Variants in COLEC11 observed in about 807,000 individuals in gnomAD.
COLEC11 encodes the protein collectin subfamily member 11, also known as collectin-11.
Under a neutral mutation model 27.3 loss-of-function variants are expected in COLEC11, and 20 were observed. The ratio of observed to expected loss-of-function variants is 0.73; its 90% CI spans 0.51 to 1.06. The LOEUF (loss-of-function observed/expected upper bound fraction) is 1.06, where lower values mean the gene tolerates loss of function less well. Among genes scored for constraint, COLEC11 ranks in the 50% least tolerant of loss-of-function variants. The probability of loss-of-function intolerance (pLI) is 0.00; values close to 1 mark genes in which losing one functional copy is unlikely to be tolerated. For missense variants in COLEC11, 310 were observed against 383.0 expected, an observed-to-expected ratio of 0.81 and a Z score of 1.59; for synonymous variants, 163 against 154.7, an observed-to-expected ratio of 1.05 and a Z score of -0.40.
chr2:3,609,352 ATTTTTTTTTTT>A (rs567474674), intron 2 of COLEC11, among the ~76,000 whole-genome samples: 1 of 87,510 alleles, frequency 1.1e-5, no homozygotes, highest in African/African-American at 5.9e-5. Flanking sequence ...TTTTTCTTTG[ATTTTTTTTTTT>A]TTTTTTTTTT....
At chr2:3,624,379 G>T (rs1446699762) in intron 3 of COLEC11, among the ~76,000 whole-genome samples, 3 of 152,172 alleles carry the variant, frequency 2.0e-5, no homozygotes, top group Non-Finnish European at 2.9e-5. Context: ...AATAAAATCT[G>T]CAGAGCAATT....
intron 3 of COLEC11, among the ~76,000 whole-genome samples, chr2:3,633,176 A>G (rs1665138743): frequency 6.6e-6 from 1 of 152,170 alleles, no homozygotes; most frequent in Admixed American, 6.5e-5. Flanking sequence ...CCAGGCCCCC[A>G]GGCTGACAAG....
chr2:3,608,589 G>C (rs72769303), intron 2 of COLEC11, among the ~76,000 whole-genome samples: 1 of 152,192 alleles, frequency 6.6e-6, no homozygotes, highest in South Asian at 2.1e-4. Context: ...TTGGGAAGCC[G>C]AGGTGGGAGG....
rs78464962 is a variant in COLEC11, at chr2:3,633,836, G to A, written c.203-3697G>A. Among the ~76,000 whole-genome samples the A allele has an allele frequency of 4.2e-3, 645 of 152,138 alleles. 3 individuals carry two copies. The highest frequency in any genetic ancestry group is 0.02 in the Middle Eastern group (6 of 294). On this transcript the variant is annotated intron_variant, in intron 3 of 6. Transcript: ENST00000349077. ...ATGGTCAGCACAGAACCTCAGGACCGGTGCGGTGGAGAGCTGGGTACAGGA... is the reference window on the plus strand; with the variant it reads ...ATGGTCAGCACAGAACCTCAGGACCAGTGCGGTGGAGAGCTGGGTACAGGA...
At position 3,613,367 on chromosome 2, in the gene COLEC11, C is replaced by T; in HGVS notation, c.187C>T (p.Pro63Ser). Residue 63 changes from proline to serine, a missense_variant, in exon 3 of 7, where the codon CCC (proline) becomes TCC (serine). Physicochemically the swap from Pro to Ser is moderately conservative, Grantham distance 74. Coordinates refer to ENST00000349077, the MANE Select transcript of COLEC11 (RefSeq NM_024027.5). Reference sequence around the variant, plus strand: ...CCCCGGACGGCCTGGAAGAGTCGGCCCCACGGGAGAAAAAGGTACCTGCAG... The same window carrying T: ...CCCCGGACGGCCTGGAAGAGTCGGCTCCACGGGAGAAAAAGGTACCTGCAG... ...GAPGRPGRVG[P>S]TGEKGDMGDK... 1 of 1,602,678 alleles carries T rather than the reference C, an allele frequency of 6.2e-7. No individual in the cohort carries two copies. Among genetic ancestry groups the T allele is most frequent in the Non-Finnish European group, 8.5e-7 (1 of 1,174,730 alleles).
Position 3,613,980 on chromosome 2 carries a change from C to CTT in COLEC11, c.202+611_202+612dup, listed in dbSNP as rs57071680. Among the ~76,000 whole-genome samples the CTT allele has an allele frequency of 5.9e-3, 773 of 131,042 alleles. 8 individuals carry two copies. Among genetic ancestry groups the CTT allele is most frequent in the Non-Finnish European group, 7.1e-3 (445 of 62,406 alleles). The allele number at this position is 131,042 out of a possible 152,430, so 86.0% of individuals were successfully genotyped here. A position where few individuals can be genotyped will look rare whatever the true frequency, so the allele number is the denominator to read the frequency against. ...GTTTTTTCTTTTTCTTTCTTTCTTT[C>CTT]TTTTTTTTTTTTTTGAGACTGAGTC... On this transcript the variant is annotated intron_variant, in intron 3 of 6. Coordinates refer to ENST00000349077, the MANE Select transcript of COLEC11 (RefSeq NM_024027.5).
At chr2:3,612,291 G>A (rs564767781) in intron 2 of COLEC11, among the ~76,000 whole-genome samples, 87 of 152,220 alleles carry the variant, frequency 5.7e-4, no homozygotes, top group Non-Finnish European at 9.1e-4. Context: ...CACACTCCCT[G>A]TCTGCAACCA....
intron 3 of COLEC11, among the ~76,000 whole-genome samples, chr2:3,635,372 T>C (rs1665327331): frequency 6.6e-6 from 1 of 152,006 alleles, no homozygotes; most frequent in South Asian, 2.1e-4. Flanking sequence ...CTGCCCTTGG[T>C]CTCCTTTTGC....
At chr2:3,611,522 A>G (rs1047631739) in intron 2 of COLEC11, among the ~76,000 whole-genome samples, 1 of 152,120 alleles carries the variant, frequency 6.6e-6, no homozygotes, top group Non-Finnish European at 1.5e-5. Context: ...TGCTGAGTTT[A>G]TCTTGTTAGT....
chr2:3,617,668 G>A (rs771185817), intron 3 of COLEC11: 102 of 1,611,726 alleles, frequency 6.3e-5, no homozygotes, highest in Middle Eastern at 2.2e-4. Flanking sequence ...CAGCCATATC[G>A]GGTTTGTCAG....
At chr2:3,643,372 A>G in intron 5 of COLEC11, 72 bp from the exon 6 acceptor site, 1 of 1,251,098 alleles carries the variant, frequency 8.0e-7, no homozygotes, top group Non-Finnish European at 1.2e-6. Context: ...ATTTCCGGGG[A>G]GGGGTCCTCG....
chr2:3,616,386 A>T (rs1180848586), intron 3 of COLEC11, among the ~76,000 whole-genome samples: 5 of 151,824 alleles, frequency 3.3e-5, no homozygotes, highest in Admixed American at 2.0e-4. Flanking sequence ...CAATCTCGGC[A>T]CTTTGGGAGG....
At chr2:3,612,687 C>T (rs1004694424) in intron 2 of COLEC11, among the ~76,000 whole-genome samples, 11 of 152,074 alleles carry the variant, frequency 7.2e-5, no homozygotes, top group African/African-American at 2.4e-4. Flanking sequence ...GGCCTCACTG[C>T]GCACATCTCT....
chr2:3,600,380 A>C (rs879854179), intron 1 of COLEC11, among the ~76,000 whole-genome samples: 3 of 152,078 alleles, frequency 2.0e-5, no homozygotes, highest in Non-Finnish European at 2.9e-5. Flanking sequence ...CATGGTGAGA[A>C]CCTGTCTCTA....
At chr2:3,616,302 A>G (rs2147893672) in intron 3 of COLEC11, among the ~76,000 whole-genome samples, 1 of 149,186 alleles carries the variant, frequency 6.7e-6, no homozygotes, top group South Asian at 2.1e-4. Context: ...GGGGCTCCTC[A>G]CATCCGAGAC....
intron 5 of COLEC11, among the ~76,000 whole-genome samples, chr2:3,642,378 C>G (rs1020619897): frequency 6.6e-6 from 1 of 152,136 alleles, no homozygotes; most frequent in Non-Finnish European, 1.5e-5. Context: ...CCAGAAAGGC[C>G]TGTGAGGTGT....
intron 2 of COLEC11, among the ~76,000 whole-genome samples, chr2:3,605,441 C>T (rs189203867): frequency 2.6e-3 from 20 of 7,622 alleles, no homozygotes; most frequent in East Asian, 0.018. Context: ...AGGGGAGTCA[C>T]GTGGGTGCCG....
intron 5 of COLEC11, among the ~76,000 whole-genome samples, chr2:3,642,779 G>A (rs1036140841): frequency 6.6e-5 from 10 of 152,260 alleles, no homozygotes; most frequent in South Asian, 2.1e-4. Context: ...TCCTGTGGGC[G>A]CGGCCTGCCT....
In COLEC11 at chr2:3,604,302, T is replaced by C. The variant is rs962546373; in HGVS notation, c.-26-13T>C. On this transcript the variant is annotated splice_polypyrimidine_tract_variant and intron_variant, in intron 1 of 6. Transcript: ENST00000349077. ...TGCAGTTCCCATCACTGTTTATTCC[T>C]TCCTCTGTGTAGGAGTTGGTGTCCT... 5.6e-6 allele frequency: 9 copies of C among 1,613,914 alleles called. No individual in the cohort carries two copies. In the Admixed American group the frequency reaches 6.7e-5, roughly 12 times the overall value.
Sources: gnomAD v4.1 joint callset for allele counts (sites outside exome capture counted in the v4.1 genomes callset) on GRCh38, gnomAD v4.1.1 for gene constraint, MANE v1.5 for transcripts, NCBI Gene and HGNC (gene_info 2026-07-23, HGNC 2026-07-21) for gene names.